The following RMDN2 variants were observed in gnomAD, a reference collection of about 807,000 sequenced individuals.
RMDN2 encodes the protein regulator of microtubule dynamics 2.
Under a neutral mutation model 52.8 loss-of-function variants are expected in RMDN2, and 61 were observed. That is an observed-to-expected ratio of 1.16 (90% CI 0.94 to 1.43). RMDN2 has a LOEUF of 1.43. RMDN2 is among the 40% of genes most tolerant of loss of function. RMDN2 has a pLI of 0.00. For missense variants in RMDN2, 592 were observed against 475.3 expected, an observed-to-expected ratio of 1.25 and a Z score of -2.28; for synonymous variants, 180 against 153.1, an observed-to-expected ratio of 1.18 and a Z score of -1.30.
At chr2:37,976,082 T>G (rs1264815532) in intron 4 of RMDN2, among the ~76,000 whole-genome samples, 1 of 152,238 alleles carries the variant, frequency 6.6e-6, no homozygotes, top group Non-Finnish European at 1.5e-5. Context: ...CAGACTTTAA[T>G]GTTTTTTCCA....
intron 2 of RMDN2, among the ~76,000 whole-genome samples, chr2:37,961,021 C>G (rs1037085175): frequency 6.6e-6 from 1 of 152,166 alleles, no homozygotes; most frequent in African/African-American, 2.4e-5. Flanking sequence ...TTGGCCCCCA[C>G]TCTTTTCTGG....
chr2:37,932,814 G>A (rs1666907323), intron 2 of RMDN2, among the ~76,000 whole-genome samples: 1 of 131,780 alleles, frequency 7.6e-6, no homozygotes, highest in Non-Finnish European at 1.7e-5. Flanking sequence ...CTGGGCGGGG[G>A]GCTGACCCCC....
At position 37,997,447 on chromosome 2, in the gene RMDN2, T is replaced by C; in HGVS notation, c.977T>C (p.Met326Thr). ...AAACTGAGCTGGATTGAGAAAAAAA[T>C]GGCTGCTACTCTGTTTGGAAAAATA... The part of the protein sequence containing the change: ...VSKLSWIEKK[M>T]AATLFGKIPS... The change falls in exon 8 of 11, where the codon ATG (methionine) becomes ACG (threonine). Residue 326 changes from methionine (M) to threonine (T), a missense_variant. Met to Thr is a moderately conservative substitution (Grantham distance 81). Coordinates refer to ENST00000354545, the MANE Select transcript of RMDN2 (RefSeq NM_001170791.3). The C allele has an allele frequency of 1.9e-6, 3 of 1,613,748 alleles. No individual in the cohort carries two copies. Among genetic ancestry groups the C allele is most frequent in the Non-Finnish European group, 2.5e-6 (3 of 1,179,774 alleles).
chr2:37,981,600 T>A (rs1480927134), intron 5 of RMDN2, among the ~76,000 whole-genome samples: 1 of 152,246 alleles, frequency 6.6e-6, no homozygotes, highest in Non-Finnish European at 1.5e-5. Context: ...TTGAAGATGA[T>A]ACGTTATAAT....
intron 10 of RMDN2, among the ~76,000 whole-genome samples, chr2:38,014,182 A>T (rs1678409910): frequency 6.6e-6 from 1 of 152,196 alleles, no homozygotes; most frequent in Non-Finnish European, 1.5e-5. Context: ...ATTGCACTCC[A>T]GCCAGGGCAA....
upstream of RMDN2, among the ~76,000 whole-genome samples, chr2:37,923,685 A>G (rs891543847): frequency 9.2e-5 from 14 of 152,190 alleles, no homozygotes; most frequent in African/African-American, 2.7e-4. Context: ...GTAGAAGGTA[A>G]TATTTTACTA....
chr2:37,958,140 T>A lies in RMDN2; in HGVS notation c.453-15900T>A, dbSNP rs148148087. On this transcript the variant is annotated intron_variant, in intron 2 of 10. Coordinates refer to ENST00000354545, the MANE Select transcript of RMDN2 (RefSeq NM_001170791.3). ...CTTGACTATATGGGCTCTTTTTTGG[T>A]TTCATATGAAGTTTAAAGTAGTTTT... Among the ~76,000 whole-genome samples, 158 of 152,324 alleles carry A rather than the reference T, an allele frequency of 1.0e-3. 2 individuals are homozygous for A. In the East Asian group the frequency reaches 0.026, roughly 25 times the overall value.
chr2:37,930,756 G>T (rs1003391155), intron 2 of RMDN2, among the ~76,000 whole-genome samples: 1 of 152,192 alleles, frequency 6.6e-6, no homozygotes, highest in African/African-American at 2.4e-5. Flanking sequence ...GGCCTTCCCT[G>T]GTGGACTCCA....
intron 10 of RMDN2, among the ~76,000 whole-genome samples, chr2:38,009,948 A>G (rs13419477): frequency 0.34 from 52,160 of 152,000 alleles, 10,157 homozygotes; most frequent in East Asian, 0.67. Context: ...CCTCAGCTGC[A>G]GGTCTGTTGG....
intron 2 of RMDN2, among the ~76,000 whole-genome samples, chr2:37,953,470 A>C (rs148329722): frequency 5.1e-4 from 77 of 152,182 alleles, no homozygotes; most frequent in African/African-American, 1.8e-3. Context: ...TTCACTTAGC[A>C]TAGTGTATAA....
intron 2 of RMDN2, among the ~76,000 whole-genome samples, chr2:37,933,799 G>A (rs1667063020): frequency 6.6e-6 from 1 of 152,092 alleles, no homozygotes; most frequent in Non-Finnish European, 1.5e-5. Flanking sequence ...AAGGGGAGAG[G>A]GAGAGGGAGA....
At position 38,060,108 on chromosome 2, in the gene RMDN2, ATTTTATTTTAT is replaced by A. The variant is rs1301216185; in HGVS notation, c.1714-6869_1714-6859del. Reference sequence around the variant, plus strand: ...ATTTTATTTTATTTTATTTTATTTTATTTTATTTTATTTTTTTTAGTAGAGACAGGATTTCA... The same window carrying A: ...ATTTTATTTTATTTTATTTTATTTTATTTTTTTAGTAGAGACAGGATTTCA... On this transcript the variant is annotated intron_variant, in intron 10 of 10. Coordinates refer to the RMDN2 transcript ENST00000234195. Among the ~76,000 whole-genome samples the A allele has an allele frequency of 3.1e-3, 325 of 105,974 alleles. 4 individuals are homozygous for A. The highest frequency in any genetic ancestry group is 0.01 in the African/African-American group (222 of 21,450). 69.5% of individuals were successfully genotyped at this position (105,974 alleles called of 152,430 possible). A position where few individuals can be genotyped will look rare whatever the true frequency, so the allele number is the denominator to read the frequency against.
In RMDN2 at chr2:38,017,731, G is replaced by C; in HGVS notation, c.*492G>C. 2.8e-6 allele frequency: 1 copy of C among 359,202 alleles called. No homozygotes were observed. The highest frequency in any genetic ancestry group is 5.1e-6 in the Non-Finnish European group (1 of 195,164). The allele number at this position is 359,202 out of a possible 1,614,324, so 22.3% of individuals were successfully genotyped here. Reference sequence around the variant, plus strand: ...GTGAATAAAATTACAATAAAATACTGTTTTACCATCAAACTAGCTTTCACT... The same window carrying C: ...GTGAATAAAATTACAATAAAATACTCTTTTACCATCAAACTAGCTTTCACT... On this transcript the variant is annotated 3_prime_UTR_variant, in exon 11 of 11. Transcript: ENST00000354545.
At chr2:38,057,927 T>G (rs1008837857) in intron 10 of RMDN2, among the ~76,000 whole-genome samples, 3 of 152,182 alleles carry the variant, frequency 2.0e-5, no homozygotes, top group African/African-American at 7.2e-5. Flanking sequence ...TGCAGAACCG[T>G]GAACCAATTA....
At chr2:37,962,681 C>T (rs1186880121) in intron 2 of RMDN2, among the ~76,000 whole-genome samples, 1 of 152,258 alleles carries the variant, frequency 6.6e-6, no homozygotes, top group East Asian at 1.9e-4. Flanking sequence ...GCTTTTGCCT[C>T]CTTTCCCAGG....
intron 2 of RMDN2, among the ~76,000 whole-genome samples, chr2:37,950,888 C>T (rs1668693199): frequency 6.6e-6 from 1 of 152,008 alleles, no homozygotes; most frequent in African/African-American, 2.4e-5. Context: ...CTATCTTTTC[C>T]TTTGGGAATC....
At chr2:37,984,447 T>A (rs1010810372) in intron 5 of RMDN2, among the ~76,000 whole-genome samples, 5 of 152,228 alleles carry the variant, frequency 3.3e-5, no homozygotes, top group Admixed American at 2.0e-4. Context: ...ATAGATGGGG[T>A]AAGCAAGGTA....
At chr2:38,051,251 A>G (rs559868528) in intron 10 of RMDN2, among the ~76,000 whole-genome samples, 1 of 100,188 alleles carries the variant, frequency 1.0e-5, no homozygotes, top group South Asian at 5.2e-4. Flanking sequence ...ACAAAATTGT[A>G]AAAGGAGTGT....
rs1468829254 is a variant in RMDN2, at chr2:37,942,196, C to G, written c.452+12467C>G. Among the ~76,000 whole-genome samples the G allele has an allele frequency of 2.6e-5, 4 of 152,238 alleles. No individual in the cohort carries two copies. In the East Asian group the frequency reaches 7.7e-4, roughly 29 times the overall value. On this transcript the variant is annotated intron_variant, in intron 2 of 10. Coordinates refer to ENST00000354545, the MANE Select transcript of RMDN2 (RefSeq NM_001170791.3). Reference sequence around the variant, plus strand: ...TTGCACTTCCTGGGTGAGGCGAAATCCCACCCGGCTTCACCTCACCCTCCA... The same window carrying G: ...TTGCACTTCCTGGGTGAGGCGAAATGCCACCCGGCTTCACCTCACCCTCCA...
Sources: allele counts gnomAD v4.1 joint callset (sites outside exome capture counted in the v4.1 genomes callset), GRCh38; gene constraint gnomAD v4.1.1; transcripts MANE v1.5; gene names NCBI Gene and HGNC (gene_info 2026-07-23, HGNC 2026-07-21).